Variants in PPFIA2 observed in about 807,000 individuals in gnomAD.
PPFIA2 encodes liprin-alpha-2.
Under a neutral mutation model 175.5 loss-of-function variants are expected in PPFIA2, and 46 were observed. That is an observed-to-expected ratio of 0.26 (90% CI 0.21 to 0.34). The LOEUF is 0.34. PPFIA2 is among the 10% of genes least tolerant of loss of function. PPFIA2 has a pLI of 1.00. For missense variants in PPFIA2, 1,179 were observed against 1,506.1 expected (o/e 0.78, Z 3.60); for synonymous variants, 568 against 511.4 (o/e 1.11, Z -1.49).
chr12:81,577,718 A>C (rs1369218143), intron 4 of PPFIA2, among the ~76,000 whole-genome samples: 1 of 151,854 alleles, frequency 6.6e-6, no homozygotes, highest in Non-Finnish European at 1.5e-5. Context: ...TTAGCTAGAA[A>C]GGCCGTGTTA....
At chr12:81,493,174 T>C (rs899651167) in intron 4 of PPFIA2, among the ~76,000 whole-genome samples, 1 of 152,046 alleles carries the variant, frequency 6.6e-6, no homozygotes, top group Non-Finnish European at 1.5e-5. Context: ...GACAACTAAG[T>C]TAAGATACAC....
chr12:81,683,261 A>C (rs565772890), intron 3 of PPFIA2, among the ~76,000 whole-genome samples: 1 of 152,130 alleles, frequency 6.6e-6, no homozygotes, highest in African/African-American at 2.4e-5. Context: ...ATACTACTTG[A>C]ATTTGACTAC....
chr12:81,638,048 T>A (rs1353807106), intron 4 of PPFIA2, among the ~76,000 whole-genome samples: 7 of 152,240 alleles, frequency 4.6e-5, no homozygotes, highest in Admixed American at 2.6e-4. Flanking sequence ...CTATTTTTCC[T>A]AGTTATTGCT....
intron 4 of PPFIA2, among the ~76,000 whole-genome samples, chr12:81,631,589 A>C (rs1371441699): frequency 6.6e-6 from 1 of 152,210 alleles, no homozygotes; most frequent in Non-Finnish European, 1.5e-5. Flanking sequence ...CATTCTATTA[A>C]AACATTTCTT....
intron 4 of PPFIA2, among the ~76,000 whole-genome samples, chr12:81,561,851 T>G (rs1594961943): frequency 6.6e-6 from 1 of 152,268 alleles, no homozygotes; most frequent in East Asian, 1.9e-4. Context: ...TGCTTAAGAG[T>G]TGATTTATCT....
chr12:81,360,882 A>C (rs552647123), intron 15 of PPFIA2, among the ~76,000 whole-genome samples: 1 of 151,776 alleles, frequency 6.6e-6, no homozygotes, highest in South Asian at 2.1e-4. Flanking sequence ...GTCTTATTTT[A>C]TCTGCAAACC....
intron 4 of PPFIA2, among the ~76,000 whole-genome samples, chr12:81,632,068 G>A (rs932389633): frequency 6.6e-6 from 1 of 152,004 alleles, no homozygotes; most frequent in African/African-American, 2.4e-5. Flanking sequence ...ACAAAGGGCA[G>A]GTATTTTTAA....
chr12:81,693,334 T>G (rs1413886029), intron 3 of PPFIA2, among the ~76,000 whole-genome samples: 1 of 152,038 alleles, frequency 6.6e-6, no homozygotes, highest in Non-Finnish European at 1.5e-5. Context: ...GGTGATGTCT[T>G]GGTAATAGTG....
At chr12:81,310,250 A>G (rs1230688906) in intron 22 of PPFIA2, among the ~76,000 whole-genome samples, 1 of 152,070 alleles carries the variant, frequency 6.6e-6, no homozygotes, top group African/African-American at 2.4e-5. Context: ...TTTAAACTCT[A>G]TCTTCTGATT....
chr12:81,534,980 G>A (rs1031079895), intron 4 of PPFIA2, among the ~76,000 whole-genome samples: 8 of 151,742 alleles, frequency 5.3e-5, no homozygotes, highest in South Asian at 2.1e-4. Context: ...AAGTTCTAAC[G>A]TCTTCAGAGA....
chr12:81,669,708 G>T (rs1009425167), intron 4 of PPFIA2, among the ~76,000 whole-genome samples: 7 of 151,888 alleles, frequency 4.6e-5, no homozygotes, highest in Non-Finnish European at 1.0e-4. Context: ...TAATAAACTT[G>T]TCTGGGTAAA....
chr12:81,354,698 C>A (rs933473523), intron 16 of PPFIA2, among the ~76,000 whole-genome samples: 4 of 151,768 alleles, frequency 2.6e-5, no homozygotes, highest in African/African-American at 9.7e-5. Flanking sequence ...GGCTGGAGGG[C>A]AGCGGCTTGA....
rs142514821 is a variant in PPFIA2, at chr12:81,335,528, A to G, written c.2548+3652T>C. On this transcript the variant is annotated intron_variant, in intron 21 of 32. Coordinates refer to ENST00000549396, the MANE Select transcript of PPFIA2 (RefSeq NM_003625.5). The stretch of plus-strand genomic sequence containing the variant: ...GATGCCAAGGCGGGCAGATCACCTG[A>G]GGTCAGGAGTTAAGAGACCAGCCTG... Among the ~76,000 whole-genome samples, 805 of 152,236 alleles carry G rather than the reference A, an allele frequency of 5.3e-3. 10 individuals are homozygous for G. The highest frequency in any genetic ancestry group is 0.018 in the African/African-American group (761 of 41,554).
intron 22 of PPFIA2, among the ~76,000 whole-genome samples, chr12:81,305,559 C>T (rs1262564216): frequency 6.6e-6 from 1 of 152,126 alleles, no homozygotes; most frequent in Admixed American, 6.6e-5. Context: ...TGCACTTTAC[C>T]TCTTCTGTTC....
Position 81,649,363 on chromosome 12 carries a change from A to G in PPFIA2, c.303+27428T>C, listed in dbSNP as rs1313746175. Reference sequence around the variant, plus strand: ...ACAAGAAATGGAAAGTGCAAACTGAATAAGATATGACATATCCACTAAAAT... The same window carrying G: ...ACAAGAAATGGAAAGTGCAAACTGAGTAAGATATGACATATCCACTAAAAT... On this transcript the variant is annotated intron_variant, in intron 4 of 32. Coordinates refer to ENST00000549396, the MANE Select transcript of PPFIA2 (RefSeq NM_003625.5). Among the ~76,000 whole-genome samples, 3 of 152,202 alleles carry G rather than the reference A, an allele frequency of 2.0e-5. No homozygotes were observed. In the East Asian group the frequency reaches 5.8e-4, roughly 29 times the overall value.
intron 4 of PPFIA2, among the ~76,000 whole-genome samples, chr12:81,531,748 T>TA (rs1384294909): frequency 2.6e-5 from 4 of 151,562 alleles, no homozygotes; most frequent in Non-Finnish European, 5.9e-5. Context: ...AAAGATTATT[T>TA]TATTTCTTTA....
chr12:81,346,730 C>T (rs1265041271), intron 18 of PPFIA2, among the ~76,000 whole-genome samples: 2 of 151,176 alleles, frequency 1.3e-5, no homozygotes, highest in Admixed American at 6.6e-5. Context: ...GCTCTTAACA[C>T]AAATAATGCA....
chr12:81,615,444 T>C (rs539675407), intron 4 of PPFIA2, among the ~76,000 whole-genome samples: 10 of 152,190 alleles, frequency 6.6e-5, no homozygotes, highest in Non-Finnish European at 1.0e-4. Flanking sequence ...TGAATGCAAA[T>C]AGAGAAATGG....
At chr12:81,474,585 C>G (rs1010541487) in intron 4 of PPFIA2, among the ~76,000 whole-genome samples, 35 of 152,204 alleles carry the variant, frequency 2.3e-4, no homozygotes. Context: ...AGCTATTGAG[C>G]CTGGCCCTCT....
Sources: gnomAD v4.1 joint callset for allele counts (sites outside exome capture counted in the v4.1 genomes callset) on GRCh38, gnomAD v4.1.1 for gene constraint, MANE v1.5 for transcripts, NCBI Gene and HGNC (gene_info 2026-07-23, HGNC 2026-07-21) for gene names.